The following COG3 variants were observed in gnomAD, a reference collection of about 807,000 sequenced individuals.
COG3 encodes conserved oligomeric Golgi complex subunit 3.
Under a neutral mutation model 114.1 loss-of-function variants are expected in COG3, and 32 were observed. That is an observed-to-expected ratio of 0.28 (90% CI 0.21 to 0.38). COG3 has a LOEUF of 0.38. Among genes scored for constraint, COG3 ranks in the 10% least tolerant of loss-of-function variants. COG3 has a pLI of 1.00. For synonymous variants in COG3, 352 were observed against 365.7 expected (o/e 0.96, Z 0.43); for missense variants, 813 against 973.2 (o/e 0.84, Z 2.19).
At chr13:45,466,742 A>T (rs1194212888) in intron 1 of COG3, 1 of 152,182 alleles carries the variant, frequency 6.6e-6, no homozygotes, top group African/African-American at 2.4e-5. Context: ...ATTTGTTTTC[A>T]TTGTCATGGG....
intron 12 of COG3, among the ~76,000 whole-genome samples, chr13:45,494,255 G>A (rs1279512433): frequency 1.3e-5 from 2 of 151,638 alleles, no homozygotes; most frequent in African/African-American, 2.4e-5. Context: ...AACCTGGGAG[G>A]GGGAGGTTGC....
intron 15 of COG3, 32 bp downstream of exon 15, chr13:45,509,848 C>A (rs1198027048): frequency 5.9e-6 from 9 of 1,525,266 alleles, no homozygotes; most frequent in South Asian, 1.3e-5. Context: ...ATTGCTCGTT[C>A]TTTCACTTGA....
At chr13:45,486,923 A>T (rs1197732745) in intron 8 of COG3, among the ~76,000 whole-genome samples, 1 of 152,322 alleles carries the variant, frequency 6.6e-6, no homozygotes, top group South Asian at 2.1e-4. Flanking sequence ...CATAAAAGAC[A>T]TACATTTTGG....
chr13:45,533,220 A>AT (rs1227931633), intron 22 of COG3, among the ~76,000 whole-genome samples: 24 of 148,400 alleles, frequency 1.6e-4, no homozygotes, highest in African/African-American at 3.5e-4. Context: ...TTAGTTGTCT[A>AT]TTTTTTTTTT....
intron 12 of COG3, among the ~76,000 whole-genome samples, chr13:45,494,494 C>G (rs1262580389): frequency 6.6e-6 from 1 of 151,454 alleles, no homozygotes; most frequent in Non-Finnish European, 1.5e-5. Context: ...TTTTTTATTG[C>G]TTCTGATTTT....
At chr13:45,473,332 T>C (rs762646842) in intron 1 of COG3, among the ~76,000 whole-genome samples, 6 of 152,168 alleles carry the variant, frequency 3.9e-5, no homozygotes, top group Non-Finnish European at 5.9e-5. Flanking sequence ...TATAATCTTG[T>C]GGATTATTTG....
chr13:45,509,805 A>G lies in COG3; in HGVS notation c.1708A>G (p.Arg570Gly). 1 of 1,611,360 alleles carries G rather than the reference A, an allele frequency of 6.2e-7. No homozygotes were observed. Among genetic ancestry groups the G allele is most frequent in the Non-Finnish European group, 8.5e-7 (1 of 1,177,966 alleles). ...TCTTGTCTGTCTCTCCAAATTATAC[A>G]GATGCATAGATGTACGTGTATCTTT... ...RTLVCLSKLY[R>G]CIDRAVFQGL... is the part of the protein sequence containing the mutation. The change falls in exon 15 of 23, where the codon AGA (arginine) becomes GGA (glycine). Residue 570 changes from arginine (R) to glycine (G), a missense_variant. By Grantham distance (125) the Arg-to-Gly change is moderately radical. Around this residue, in one of 2 missense-constraint regions of COG3, gnomAD observed 389 missense variants for 542.6 expected, o/e 0.72. Transcript: ENST00000349995.
intron 1 of COG3, among the ~76,000 whole-genome samples, chr13:45,474,258 T>C (rs1885714522): frequency 1.3e-5 from 2 of 150,484 alleles, no homozygotes; most frequent in Admixed American, 1.3e-4. Flanking sequence ...CCCGGGTTCA[T>C]GCCATTCTCC....
chr13:45,521,629 A>T (rs988190295), intron 19 of COG3, among the ~76,000 whole-genome samples: 1 of 151,990 alleles, frequency 6.6e-6, no homozygotes, highest in Non-Finnish European at 1.5e-5. Context: ...CTGCATCTTA[A>T]AATTTGTGGA....
At chr13:45,531,437 G>T (rs1402104582) in intron 22 of COG3, 1 of 152,298 alleles carries the variant, frequency 6.6e-6, no homozygotes, top group East Asian at 1.9e-4. Flanking sequence ...GCTGGCAAGA[G>T]CCTGACTGGG....
At position 45,519,080 on chromosome 13, in the gene COG3, G is replaced by A; in HGVS notation, c.2140G>A (p.Glu714Lys). 3 of 1,614,122 alleles carry A rather than the reference G, an allele frequency of 1.9e-6. No homozygotes were observed. Among genetic ancestry groups the A allele is most frequent in the Non-Finnish European group, 2.5e-6 (3 of 1,180,012 alleles). The stretch of plus-strand genomic sequence containing the variant: ...CAAGCTGTTTGTAGAACAGCTGGAG[G>A]AGTTCATGACAAAGGTATAGACCTT... ...QTKLFVEQLE[E>K]FMTKVSALKT... is the part of the protein sequence containing the mutation. Residue 714 changes from glutamate to lysine, a missense_variant, in exon 19 of 23, where the codon GAG (glutamate) becomes AAG (lysine). By Grantham distance (56) the Glu-to-Lys change is moderately conservative. Coordinates refer to ENST00000349995, the MANE Select transcript of COG3 (RefSeq NM_031431.4).
chr13:45,492,301 G>T lies in COG3; in HGVS notation c.1187+51G>T. 3.0e-6 allele frequency: 3 copies of T among 1,012,208 alleles called. No homozygotes were observed. The South Asian group carries it at 4.2e-5, about 14-fold the overall frequency. 62.7% of individuals were successfully genotyped at this position (1,012,208 alleles called of 1,614,324 possible). ...TGTTCATAAAATTTAACTTGCTAAT[G>T]ACCATAATGAATCAGTATATTATAG... On this transcript the variant is annotated intron_variant, in intron 11 of 22. Coordinates refer to ENST00000349995, the MANE Select transcript of COG3 (RefSeq NM_031431.4).
rs1316530260 is a variant in COG3, at chr13:45,535,798, A to G, written c.*1067A>G. On this transcript the variant is annotated 3_prime_UTR_variant, in exon 23 of 23. Coordinates refer to ENST00000349995, the MANE Select transcript of COG3 (RefSeq NM_031431.4). ...ATATCAGGGATCATAAATTATGCATATCTATGAATTTTCCAACAAATTCCT... is the reference window on the plus strand; with the variant it reads ...ATATCAGGGATCATAAATTATGCATGTCTATGAATTTTCCAACAAATTCCT... The G allele has an allele frequency of 3.0e-6, 3 of 987,488 alleles. No homozygotes were observed. The highest frequency in any genetic ancestry group is 3.5e-5 in the African/African-American group (2 of 57,308). The allele number at this position is 987,488 out of a possible 1,614,324, so 61.2% of individuals were successfully genotyped here.
Position 45,490,920 on chromosome 13 carries a change from T to C in COG3, c.930T>C (p.Leu310=), listed in dbSNP as rs565663198. ...FRAAAPKVRT[L]IEQIELRSEK... is the part of the protein sequence containing the mutation. The stretch of plus-strand genomic sequence containing the variant: ...CATTTTTTCTTACTTTGCAGACTCT[T>C]ATTGAACAAATAGAACTGCGGTCTG... Residue 310 remains leucine (L), a synonymous_variant, in exon 9 of 23, where the codon CTT becomes CTC. Coordinates refer to ENST00000349995, the MANE Select transcript of COG3 (RefSeq NM_031431.4). The C allele has an allele frequency of 3.8e-6, 6 of 1,592,270 alleles. No individual in the cohort carries two copies. In the Admixed American group the frequency reaches 5.1e-5, roughly 14 times the overall value.
chr13:45,511,467 G>A (rs1870853175), intron 15 of COG3, among the ~76,000 whole-genome samples: 2 of 152,232 alleles, frequency 1.3e-5, no homozygotes, highest in African/African-American at 2.4e-5. Context: ...CGAAGGCTCC[G>A]TGAGGTCAGA....
chr13:45,531,068 A>C, intron 22 of COG3: 2 of 1,014,802 alleles, frequency 2.0e-6, no homozygotes, highest in Non-Finnish European at 2.4e-6. Flanking sequence ...AAATAGTGGC[A>C]TTTAGCTTGC....
chr13:45,535,917 G>A lies in COG3; in HGVS notation c.*1186G>A, dbSNP rs1873520901. 1.0e-6 allele frequency: 1 copy of A among 982,164 alleles called. No homozygotes were observed. The highest frequency in any genetic ancestry group is 6.1e-5 in the Admixed American group (1 of 16,274). The allele number at this position is 982,164 out of a possible 1,614,324, so 60.8% of individuals were successfully genotyped here. A position where few individuals can be genotyped will look rare whatever the true frequency, so the allele number is the denominator to read the frequency against. ...GAGTTTTTCAAACACTAGTCTAGAG[G>A]TGGACATTGTCAGGGGTTCTGGAAT... On this transcript the variant is annotated 3_prime_UTR_variant, in exon 23 of 23. Transcript: ENST00000349995.
intron 1 of COG3, among the ~76,000 whole-genome samples, chr13:45,475,263 C>T (rs1047698287): frequency 1.1e-4 from 16 of 152,062 alleles, no homozygotes; most frequent in African/African-American, 3.9e-4. Flanking sequence ...GGTGGCACGA[C>T]CTTGACTCAC....
At chr13:45,511,718 T>G in intron 15 of COG3, 47 bp from the exon 16 acceptor site, 1 of 1,435,468 alleles carries the variant, frequency 7.0e-7, no homozygotes, top group South Asian at 1.2e-5. Flanking sequence ...CCTTTTTTTT[T>G]GTTTTGTCAA....
Sources: allele counts gnomAD v4.1 joint callset (sites outside exome capture counted in the v4.1 genomes callset), GRCh38; gene constraint gnomAD v4.1.1; regional missense constraint gnomAD v4.1.1; transcripts MANE v1.5; gene names NCBI Gene and HGNC (gene_info 2026-07-23, HGNC 2026-07-21).